Variants in JAKMIP3 observed in about 807,000 individuals in gnomAD.
JAKMIP3 encodes the protein janus kinase and microtubule-interacting protein 3.
Under a neutral mutation model 118.5 loss-of-function variants are expected in JAKMIP3, and 58 were observed. The observed-to-expected ratio is 0.49, with a 90% CI of 0.40 to 0.61. The LOEUF is 0.61. JAKMIP3 is among the 20% of genes least tolerant of loss of function. JAKMIP3 has a pLI of 0.00. For synonymous variants in JAKMIP3, 486 were observed against 451.2 expected, an observed-to-expected ratio of 1.08 and a Z score of -0.98; for missense variants, 950 against 1,109.0, an observed-to-expected ratio of 0.86 and a Z score of 2.04.
intron 19 of JAKMIP3, among the ~76,000 whole-genome samples, chr10:132,159,847 G>GT (rs1269956859): frequency 8.1e-5 from 8 of 98,656 alleles, no homozygotes; most frequent in Admixed American, 2.0e-4. Flanking sequence ...GTGATGCTGG[G>GT]GGGCCTCTCC....
At chr10:132,056,608 T>C (rs2038242105) in intron 1 of JAKMIP3, among the ~76,000 whole-genome samples, 1 of 152,222 alleles carries the variant, frequency 6.6e-6, no homozygotes, top group Non-Finnish European at 1.5e-5. Context: ...ACTTGGGCAG[T>C]GTGCGCTGGG....
At chr10:132,182,025 G>T (rs1005397261) in intron 23 of JAKMIP3, among the ~76,000 whole-genome samples, 1 of 152,262 alleles carries the variant, frequency 6.6e-6, no homozygotes, top group Admixed American at 6.5e-5. Flanking sequence ...AGCAATGAGG[G>T]AAGTTGGGTA....
At position 132,117,701 on chromosome 10, in the gene JAKMIP3, C is replaced by T. The variant is rs928197529; in HGVS notation, c.633+127C>T. ...GAGCACGCGGGCAGCACCGGCTTCA[C>T]CCCCCATGACATTCTTAGCACAGGC... On this transcript the variant is annotated intron_variant, in intron 3 of 23. Transcript: ENST00000684848. This position sits in a 1 kb window ranked among gnomAD's most constrained non-coding sequence, Gnocchi z 8.6. 1.4e-5 allele frequency: 15 copies of T among 1,104,992 alleles called. No individual in the cohort carries two copies. Among genetic ancestry groups the T allele is most frequent in the Middle Eastern group, 6.7e-4 (2 of 2,970 alleles). 68.4% of individuals were successfully genotyped at this position (1,104,992 alleles called of 1,614,324 possible).
intron 19 of JAKMIP3, among the ~76,000 whole-genome samples, chr10:132,159,725 T>C (rs1285701249): frequency 1.4e-5 from 1 of 72,666 alleles, no homozygotes; most frequent in Non-Finnish European, 2.5e-5. Flanking sequence ...GCTGGGGGCA[T>C]GTCTTCCTGT....
intron 23 of JAKMIP3, among the ~76,000 whole-genome samples, chr10:132,171,144 C>T (rs997047590): frequency 1.3e-5 from 2 of 152,210 alleles, no homozygotes; most frequent in African/African-American, 2.4e-5. Flanking sequence ...GGTTACGGAG[C>T]GGGGACTTTG....
At position 132,153,855 on chromosome 10, in the gene JAKMIP3, C is replaced by T. The variant is rs374831137; in HGVS notation, c.2142+28C>T. On this transcript the variant is annotated intron_variant, in intron 18 of 23. Transcript: ENST00000684848. ...TGGTGGCACCTTCACCGAGGTTCTG[C>T]GGCTCGGTGCTGCAGGTGGGACATC... The T allele has an allele frequency of 8.7e-5, 141 of 1,612,132 alleles. 2 individuals are homozygous for T. In the South Asian group the frequency reaches 9.9e-4, roughly 11 times the overall value.
intron 23 of JAKMIP3, chr10:132,169,767 T>G (rs1301800355): frequency 1.3e-5 from 2 of 152,258 alleles, no homozygotes; most frequent in East Asian, 3.9e-4. Flanking sequence ...AGATGCTCCC[T>G]GCGTAGAAAA....
chr10:132,146,945 C>T (rs2054733034), intron 13 of JAKMIP3, among the ~76,000 whole-genome samples: 1 of 152,124 alleles, frequency 6.6e-6, no homozygotes, highest in African/African-American at 2.4e-5. Context: ...CACGTAAATG[C>T]CTGCGTGCAC....
chr10:132,058,851 C>G (rs192114919), intron 1 of JAKMIP3, among the ~76,000 whole-genome samples: 20 of 152,350 alleles, frequency 1.3e-4, no homozygotes, highest in Admixed American at 7.8e-4. Context: ...ATCATAAGGT[C>G]GAAGCCTTGT....
intron 3 of JAKMIP3, among the ~76,000 whole-genome samples, chr10:132,125,064 G>A (rs1321804527): frequency 2.0e-5 from 3 of 152,234 alleles, no homozygotes; most frequent in African/African-American, 7.2e-5. Context: ...GGCTTTAGAT[G>A]AAAGAAGTTT....
intron 1 of JAKMIP3, among the ~76,000 whole-genome samples, chr10:132,078,624 G>GA (rs1491350533): frequency 8.9e-6 from 1 of 112,676 alleles, no homozygotes; most frequent in Admixed American, 8.9e-5. Context: ...GGGGGCGGGG[G>GA]GGGGGGGGGG....
At chr10:132,171,449 T>C (rs1482692761) in intron 23 of JAKMIP3, among the ~76,000 whole-genome samples, 1 of 152,202 alleles carries the variant, frequency 6.6e-6, no homozygotes. Flanking sequence ...ACAATGTCCG[T>C]CCGAGTGTAT....
Position 132,101,329 on chromosome 10 carries a change from C to A in JAKMIP3, c.-137-3343C>A, listed in dbSNP as rs531871427. Among the ~76,000 whole-genome samples, 5 of 152,218 alleles carry A rather than the reference C, an allele frequency of 3.3e-5. No homozygotes were observed. The South Asian group carries it at 8.3e-4, about 25-fold the overall frequency. ...TTGCCCCGCTGCTCTCCAGCCTGGG[C>A]GACAGAGCAAGGACCGACCCCCCAA... is the stretch of plus-strand genomic sequence containing the variant. On this transcript the variant is annotated intron_variant, in intron 1 of 23. Coordinates refer to ENST00000684848, the MANE Select transcript of JAKMIP3 (RefSeq NM_001323087.2).
rs1479380298 is a variant in JAKMIP3 at position 132,118,831 on chromosome 10, C to T, written c.633+1257C>T. Among the ~76,000 whole-genome samples, 1 of 152,224 alleles carries T rather than the reference C, an allele frequency of 6.6e-6. No homozygotes were observed. Among genetic ancestry groups the T allele is most frequent in the Non-Finnish European group, 1.5e-5 (1 of 68,042 alleles). On this transcript the variant is annotated intron_variant, in intron 3 of 23. Transcript: ENST00000684848. The surrounding 1 kb of genome is among the most constrained non-coding windows in gnomAD (Gnocchi z 4.8). Reference sequence around the variant, plus strand: ...AACCAGCACTCATAAGAACCGGGTGCTTTCTTCGCGTGACACGATGCTTGC... The same window carrying T: ...AACCAGCACTCATAAGAACCGGGTGTTTTCTTCGCGTGACACGATGCTTGC...
At chr10:132,180,484 C>A (rs951872675) in intron 23 of JAKMIP3, among the ~76,000 whole-genome samples, 1 of 10,674 alleles carries the variant, frequency 9.4e-5, no homozygotes, top group East Asian at 1.6e-3. Context: ...TGGGGTAGGG[C>A]GGGAGGGATT....
At chr10:132,096,644 CTTTTTT>C (rs2043904798) in intron 1 of JAKMIP3, among the ~76,000 whole-genome samples, 1 of 149,184 alleles carries the variant, frequency 6.7e-6, no homozygotes, top group African/African-American at 2.5e-5. Context: ...TTTTTTTTTT[CTTTTTT>C]AAGTTGTGGC....
intron 21 of JAKMIP3, among the ~76,000 whole-genome samples, chr10:132,165,789 C>A (rs1462721375): frequency 1.3e-5 from 2 of 152,264 alleles, no homozygotes; most frequent in Non-Finnish European, 2.9e-5. Context: ...TGGGCACTCA[C>A]TGCCGCCTGT....
At chr10:132,113,697 C>CT (rs1477007333) in intron 2 of JAKMIP3, among the ~76,000 whole-genome samples, 2 of 152,172 alleles carry the variant, frequency 1.3e-5, no homozygotes, top group Non-Finnish European at 2.9e-5. Flanking sequence ...AGACACTTTC[C>CT]TATGTTTTCT....
chr10:132,125,897 A>G (rs957035451), intron 3 of JAKMIP3, among the ~76,000 whole-genome samples: 8 of 152,314 alleles, frequency 5.3e-5, no homozygotes, highest in South Asian at 2.1e-4. Flanking sequence ...AATATTTTCC[A>G]TGTACATAAT....
Sources: gnomAD v4.1 joint callset for allele counts (sites outside exome capture counted in the v4.1 genomes callset) on GRCh38, gnomAD v4.1.1 for gene constraint, Gnocchi (gnomAD v3.1) non-coding constraint, MANE v1.5 for transcripts, NCBI Gene and HGNC (gene_info 2026-07-23, HGNC 2026-07-21) for gene names.